The following THSD7B variants were observed in gnomAD, a reference collection of about 807,000 sequenced individuals.
THSD7B encodes thrombospondin type-1 domain-containing protein 7B.
THSD7B carries 138 observed loss-of-function variants against 213.6 expected under a neutral mutation model. The observed-to-expected ratio is 0.65, with a 90% CI of 0.56 to 0.74. The LOEUF (loss-of-function observed/expected upper bound fraction) is 0.74. Ranked by LOEUF, THSD7B falls within the 30% of genes least tolerant of loss-of-function variation. The pLI is 0.00. For synonymous variants in THSD7B, 742 were observed against 687.0 expected, an observed-to-expected ratio of 1.08 and a Z score of -1.25; for missense variants, 1,931 against 1,991.5, an observed-to-expected ratio of 0.97 and a Z score of 0.58.
At chr2:137,214,573 C>T (rs1681193744) in intron 7 of THSD7B, among the ~76,000 whole-genome samples, 1 of 151,928 alleles carries the variant, frequency 6.6e-6, no homozygotes, top group African/African-American at 2.4e-5. Context: ...CTAATGCTAT[C>T]CCTCCCCTAG....
chr2:137,356,986 A>G (rs1429190025), intron 12 of THSD7B, among the ~76,000 whole-genome samples: 1 of 151,332 alleles, frequency 6.6e-6, no homozygotes, highest in East Asian at 1.9e-4. Context: ...ACACACACAC[A>G]CACACACACA....
chr2:136,770,381 G>C (rs1681483029), intron 1 of THSD7B, among the ~76,000 whole-genome samples: 1 of 151,988 alleles, frequency 6.6e-6, no homozygotes, highest in African/African-American at 2.4e-5. Context: ...ACTTATTCAG[G>C]GCAAGTTAGA....
At chr2:137,555,577 AC>A (rs998306027) in intron 15 of THSD7B, among the ~76,000 whole-genome samples, 1 of 152,190 alleles carries the variant, frequency 6.6e-6, no homozygotes, top group Non-Finnish European at 1.5e-5. Flanking sequence ...GGTAGATAAA[AC>A]CACCAAGATG....
At chr2:137,185,375 A>G (rs1234317230) in intron 7 of THSD7B, among the ~76,000 whole-genome samples, 5 of 152,108 alleles carry the variant, frequency 3.3e-5, no homozygotes, top group South Asian at 4.1e-4. Flanking sequence ...ATACTCCCCA[A>G]TAGGTGGTTT....
At chr2:137,529,344 A>T (rs1308922534) in intron 15 of THSD7B, among the ~76,000 whole-genome samples, 1 of 152,042 alleles carries the variant, frequency 6.6e-6, no homozygotes, top group East Asian at 1.9e-4. Flanking sequence ...CAAGGTAGAG[A>T]TTTTCAAGGC....
At chr2:137,093,149 T>C (rs1251543413) in intron 3 of THSD7B, among the ~76,000 whole-genome samples, 1 of 152,226 alleles carries the variant, frequency 6.6e-6, no homozygotes, top group African/African-American at 2.4e-5. Context: ...TCTCCTAATA[T>C]GAATCTGATT....
At chr2:137,675,676 A>G (rs1683684265) in intron 27 of THSD7B, among the ~76,000 whole-genome samples, 1 of 152,080 alleles carries the variant, frequency 6.6e-6, no homozygotes, top group Non-Finnish European at 1.5e-5. Context: ...GTATGCATCG[A>G]ATAAGCAATA....
chr2:137,318,583 G>A (rs912198543), intron 12 of THSD7B, among the ~76,000 whole-genome samples: 10 of 151,876 alleles, frequency 6.6e-5, no homozygotes, highest in Admixed American at 1.3e-4. Context: ...GTACAAACTC[G>A]GCAACAATAA....
At chr2:136,790,944 TAGG>T (rs940110634) in intron 1 of THSD7B, among the ~76,000 whole-genome samples, 16 of 151,976 alleles carry the variant, frequency 1.1e-4, no homozygotes, top group African/African-American at 3.9e-4. Context: ...TTGGAGGCCT[TAGG>T]AGGAGGTCTA....
chr2:137,631,981 C>T (rs1682749927), intron 20 of THSD7B, among the ~76,000 whole-genome samples: 1 of 152,136 alleles, frequency 6.6e-6, no homozygotes, highest in Non-Finnish European at 1.5e-5. Context: ...TTATTCTCAA[C>T]AGTACTATGA....
intron 12 of THSD7B, among the ~76,000 whole-genome samples, chr2:137,404,474 T>TATACAC (rs1306580538): frequency 1.2e-4 from 5 of 40,262 alleles, no homozygotes; most frequent in African/African-American, 4.0e-4. Flanking sequence ...TATATATATA[T>TATACAC]ACACACACAC....
At chr2:137,289,657 G>A (rs1683276192) in intron 12 of THSD7B, among the ~76,000 whole-genome samples, 1 of 151,930 alleles carries the variant, frequency 6.6e-6, no homozygotes, top group Admixed American at 6.6e-5. Flanking sequence ...ATAATTTTGG[G>A]ACTAAGGGCT....
At chr2:136,903,103 G>A (rs949142998) in intron 2 of THSD7B, among the ~76,000 whole-genome samples, 4 of 152,124 alleles carry the variant, frequency 2.6e-5, no homozygotes, top group Admixed American at 1.3e-4. Flanking sequence ...TAGCATTTAC[G>A]ATGGCCCTTG....
At chr2:136,830,813 C>T (rs983874020) in intron 1 of THSD7B, among the ~76,000 whole-genome samples, 12 of 152,048 alleles carry the variant, frequency 7.9e-5, no homozygotes, top group Non-Finnish European at 1.6e-4. Context: ...GTCGAAATTG[C>T]TTTTTGCTTA....
At chr2:137,118,113 A>G (rs1688477752) in intron 5 of THSD7B, among the ~76,000 whole-genome samples, 1 of 152,212 alleles carries the variant, frequency 6.6e-6, no homozygotes, top group Non-Finnish European at 1.5e-5. Context: ...ATTGGGAATG[A>G]AAACGTAGAG....
chr2:137,522,318 C>T (rs1318336802), intron 15 of THSD7B, among the ~76,000 whole-genome samples: 3 of 152,176 alleles, frequency 2.0e-5, no homozygotes, highest in Admixed American at 6.5e-5. Context: ...CAGCTTTGCG[C>T]TTGTTTCTTT....
Position 137,250,068 on chromosome 2 carries a change from A to G in THSD7B, c.2266+7496A>G, listed in dbSNP as rs115573503. 7.2e-3 allele frequency among the ~76,000 whole-genome samples: 1,091 copies of G among 152,270 alleles called. 17 individuals are homozygous for G. The highest frequency in any genetic ancestry group is 0.025 in the African/African-American group (1,037 of 41,558). On this transcript the variant is annotated intron_variant, in intron 10 of 27. Transcript: ENST00000409968. ...AAAACCCAGTGTTTAAACTTGCTAC[A>G]TTGTCTGTCCTGGTGCTCCTGTTCA... is the stretch of plus-strand genomic sequence containing the variant.
intron 2 of THSD7B, among the ~76,000 whole-genome samples, chr2:136,883,480 G>A (rs997108960): frequency 6.6e-6 from 1 of 151,830 alleles, no homozygotes; most frequent in Non-Finnish European, 1.5e-5. Flanking sequence ...AGTAGTTTTA[G>A]GCAGCTTTGG....
intron 1 of THSD7B, among the ~76,000 whole-genome samples, chr2:136,879,884 G>A (rs1162063284): frequency 1.3e-5 from 2 of 152,090 alleles, no homozygotes; most frequent in African/African-American, 4.8e-5. Flanking sequence ...ATTACATAAT[G>A]GTAAAGGGAT....
Sources: allele counts gnomAD v4.1 joint callset (sites outside exome capture counted in the v4.1 genomes callset), GRCh38; gene constraint gnomAD v4.1.1; transcripts MANE v1.5; gene names NCBI Gene and HGNC (gene_info 2026-07-23, HGNC 2026-07-21).